Variants in RNF150 observed in about 807,000 individuals in gnomAD.
RNF150 encodes ring finger protein 150.
In RNF150, 24 loss-of-function variants were observed where a neutral mutation model predicts 39.3. That is an observed-to-expected ratio of 0.61 (90% CI 0.44 to 0.86). The LOEUF (loss-of-function observed/expected upper bound fraction) is 0.86, where lower values mean the gene tolerates loss of function less well. Ranked by LOEUF, RNF150 falls within the 40% of genes least tolerant of loss-of-function variation. The pLI is 0.00. For synonymous variants in RNF150, 255 were observed against 227.3 expected (o/e 1.12, Z -1.10); for missense variants, 502 against 587.8 (o/e 0.85, Z 1.51).
At chr4:140,969,144 T>C (rs1468856721) in intron 1 of RNF150, among the ~76,000 whole-genome samples, 1 of 152,152 alleles carries the variant, frequency 6.6e-6, no homozygotes, top group African/African-American at 2.4e-5. Flanking sequence ...GCAAGTTTCT[T>C]AGAATATTAC....
intron 6 of RNF150, among the ~76,000 whole-genome samples, chr4:140,886,073 C>T (rs1729562637): frequency 6.6e-6 from 1 of 151,704 alleles, no homozygotes; most frequent in African/African-American, 2.4e-5. Flanking sequence ...CGCCTGTAGT[C>T]CCAGCTACTC....
At chr4:140,947,259 C>A (rs1283944735) in intron 4 of RNF150, among the ~76,000 whole-genome samples, 1 of 151,872 alleles carries the variant, frequency 6.6e-6, no homozygotes, top group Non-Finnish European at 1.5e-5. Context: ...TGTTCATGTT[C>A]ATTCACAAAA....
intron 3 of RNF150, among the ~76,000 whole-genome samples, chr4:140,948,989 A>C (rs190322600): frequency 2.1e-4 from 32 of 152,342 alleles, no homozygotes; most frequent in South Asian, 6.2e-4. Flanking sequence ...GCCCCAACTT[A>C]AATTTGAGAC....
rs375125439 is a variant in RNF150, at chr4:141,177,834, TTTTG to T, written c.-6+34956_-6+34959del. ...GATAACTCCTTTAGAGAAAAGGGCT[TTTTG>T]TTTGTTTGTTTTTGTTTACTTTTAT... On this transcript the variant is annotated intron_variant, in intron 1 of 7. Coordinates refer to the RNF150 transcript ENST00000420921. 8.3e-4 allele frequency among the ~76,000 whole-genome samples: 126 copies of T among 152,286 alleles called. No homozygotes were observed. In the East Asian group the frequency reaches 0.021, roughly 25 times the overall value.
intron 1 of RNF150, among the ~76,000 whole-genome samples, chr4:141,058,990 A>G (rs1260116262): frequency 6.6e-6 from 1 of 152,214 alleles, no homozygotes; most frequent in East Asian, 1.9e-4. Flanking sequence ...AGTTTTAGAC[A>G]ACAGAGGAAG....
intron 1 of RNF150, among the ~76,000 whole-genome samples, chr4:141,209,464 A>G (rs1728429552): frequency 6.6e-6 from 1 of 152,306 alleles, no homozygotes. Context: ...TTATGCTACT[A>G]TAAATATTTT....
intron 1 of RNF150, among the ~76,000 whole-genome samples, chr4:140,990,347 T>A (rs944740439): frequency 6.6e-6 from 1 of 152,244 alleles, no homozygotes; most frequent in South Asian, 2.1e-4. Flanking sequence ...TTTCTTTTTT[T>A]AATTTTTATT....
At chr4:141,038,963 G>A (rs1195409353) in intron 1 of RNF150, among the ~76,000 whole-genome samples, 2 of 152,066 alleles carry the variant, frequency 1.3e-5, no homozygotes, top group Non-Finnish European at 2.9e-5. Flanking sequence ...GTGGTAGCCC[G>A]AAGGTCTAAT....
chr4:141,027,630 T>TA (rs904205121), intron 1 of RNF150, among the ~76,000 whole-genome samples: 1 of 152,160 alleles, frequency 6.6e-6, no homozygotes, highest in African/African-American at 2.4e-5. Flanking sequence ...GTCTGGCCTA[T>TA]AAAAATCTCT....
In RNF150 at chr4:141,039,341, TGGTAGAGAAAGAAAGGGGAGGAAGGA is replaced by T. The variant is rs1481849430; in HGVS notation, c.485-71494_485-71469del. 2.1e-3 allele frequency among the ~76,000 whole-genome samples: 298 copies of T among 142,174 alleles called. 8 individuals carry two copies. The South Asian group carries it at 0.037, about 18-fold the overall frequency. The allele number at this position is 142,174 out of a possible 152,430, so 93.3% of individuals were successfully genotyped here. A position where few individuals can be genotyped will look rare whatever the true frequency, so the allele number is the denominator to read the frequency against. ...AAAGAAGGAAACTAAGAGGAGAAGGTGGTAGAGAAAGAAAGGGGAGGAAGGAGGTAGAGAAAGAAAGGGGAGGGAGG... is the reference window on the plus strand; with the variant it reads ...AAAGAAGGAAACTAAGAGGAGAAGGTGGTAGAGAAAGAAAGGGGAGGGAGG... On this transcript the variant is annotated intron_variant, in intron 1 of 6. Coordinates refer to ENST00000515673, the MANE Select transcript of RNF150 (RefSeq NM_020724.2).
intron 1 of RNF150, among the ~76,000 whole-genome samples, chr4:141,115,234 T>C (rs1739513748): frequency 1.3e-5 from 2 of 152,234 alleles, no homozygotes; most frequent in Admixed American, 6.5e-5. Context: ...ATTGTATGTT[T>C]AGAAAACCCC....
At chr4:140,875,329 A>G (rs1729113991) in intron 6 of RNF150, among the ~76,000 whole-genome samples, 1 of 152,028 alleles carries the variant, frequency 6.6e-6, no homozygotes, top group Non-Finnish European at 1.5e-5. Context: ...TGCACCACCC[A>G]TATCTGGCTA....
intron 1 of RNF150, among the ~76,000 whole-genome samples, chr4:141,028,155 T>C (rs1735793758): frequency 6.6e-6 from 1 of 152,140 alleles, no homozygotes; most frequent in East Asian, 1.9e-4. Flanking sequence ...TTAATCATAT[T>C]ACTGCGTAGA....
intron 1 of RNF150, among the ~76,000 whole-genome samples, chr4:141,099,994 T>C (rs1221023730): frequency 6.6e-6 from 1 of 152,090 alleles, no homozygotes; most frequent in Non-Finnish European, 1.5e-5. Flanking sequence ...ATCAATGCAG[T>C]GTGAAAGAGA....
chr4:141,212,178 G>A (rs772260359), intron 1 of RNF150, among the ~76,000 whole-genome samples: 4 of 152,156 alleles, frequency 2.6e-5, no homozygotes, highest in Non-Finnish European at 5.9e-5. Context: ...AAGGTAAATA[G>A]TAGGCTAAAC....
intron 1 of RNF150, among the ~76,000 whole-genome samples, chr4:141,059,316 A>T (rs114072338): frequency 9.1e-4 from 139 of 152,188 alleles, no homozygotes; most frequent in Non-Finnish European, 1.4e-3. Context: ...CCAGATACAC[A>T]TTCCAATGAT....
chr4:140,878,166 T>TG (rs1729234747), intron 6 of RNF150, among the ~76,000 whole-genome samples: 1 of 90,074 alleles, frequency 1.1e-5, no homozygotes, highest in Non-Finnish European at 2.1e-5. Flanking sequence ...CTCATTGTGT[T>TG]TTTTTTTTTT....
intron 1 of RNF150, among the ~76,000 whole-genome samples, chr4:141,105,296 T>C (rs1402379668): frequency 6.6e-6 from 1 of 152,164 alleles, no homozygotes; most frequent in Non-Finnish European, 1.5e-5. Flanking sequence ...CTTCCCAAAT[T>C]AGGGGCCAAT....
intron 4 of RNF150, among the ~76,000 whole-genome samples, chr4:140,937,518 C>T (rs1003575222): frequency 4.6e-5 from 7 of 152,140 alleles, no homozygotes; most frequent in Non-Finnish European, 8.8e-5. Flanking sequence ...ACCTTGGCCT[C>T]CCAAAGTGCT....
Sources: gnomAD v4.1 joint callset for allele counts (sites outside exome capture counted in the v4.1 genomes callset) on GRCh38, gnomAD v4.1.1 for gene constraint, MANE v1.5 for transcripts, NCBI Gene and HGNC (gene_info 2026-07-23, HGNC 2026-07-21) for gene names.